The following GBE1 variants were observed in gnomAD, a reference collection of about 807,000 sequenced individuals.
GBE1 encodes 1,4-alpha-glucan-branching enzyme.
In GBE1, 70 loss-of-function variants were observed where a neutral mutation model predicts 88.8. That is an observed-to-expected ratio of 0.79 (90% CI 0.65 to 0.96). The LOEUF is 0.96. GBE1 is among the 40% of genes least tolerant of loss of function. GBE1 has a pLI of 0.00. For missense variants in GBE1, 872 were observed against 871.0 expected (o/e 1.00, Z -0.01); for synonymous variants, 284 against 300.1 (o/e 0.95, Z 0.56).
chr3:81,559,060 AT>A (rs1245809724), intron 12 of GBE1, among the ~76,000 whole-genome samples: 1 of 151,868 alleles, frequency 6.6e-6, no homozygotes, highest in Non-Finnish European at 1.5e-5. Context: ...GTCATAGAAA[AT>A]TTTTTTTCAT....
At chr3:81,553,337 T>TA (rs935133501) in intron 12 of GBE1, among the ~76,000 whole-genome samples, 10 of 116,940 alleles carry the variant, frequency 8.6e-5, no homozygotes, top group Non-Finnish European at 1.2e-4. Flanking sequence ...TGGATATATA[T>TA]TTTTTTCTTT....
intron 7 of GBE1, among the ~76,000 whole-genome samples, chr3:81,625,049 A>T (rs1310927293): frequency 1.6e-5 from 2 of 128,724 alleles, no homozygotes; most frequent in African/African-American, 5.9e-5. Flanking sequence ...ATAGACTCAA[A>T]TCCTTCCCTG....
rs530299204 is a variant in GBE1, at chr3:81,677,300, G to A, written c.314-6347C>T. Among the ~76,000 whole-genome samples, 3 of 152,258 alleles carry A rather than the reference G, an allele frequency of 2.0e-5. No homozygotes were observed. The South Asian group carries it at 6.2e-4, about 32-fold the overall frequency. ...GGCAAGATGTCTGGCAAATGCAATA[G>A]GCGAGGCTAATATACAAAGGCTAAT... On this transcript the variant is annotated intron_variant, in intron 2 of 15. Transcript: ENST00000429644.
intron 7 of GBE1, among the ~76,000 whole-genome samples, chr3:81,626,806 T>C (rs1168425929): frequency 6.6e-6 from 1 of 151,410 alleles, no homozygotes; most frequent in Non-Finnish European, 1.5e-5. Context: ...ATTTGAAAAA[T>C]GAAGTATTAT....
intron 12 of GBE1, among the ~76,000 whole-genome samples, chr3:81,569,930 C>G (rs1703550472): frequency 6.6e-6 from 1 of 152,054 alleles, no homozygotes; most frequent in Non-Finnish European, 1.5e-5. Context: ...TTCTCTGCCT[C>G]AGCCTCCCGA....
intron 7 of GBE1, among the ~76,000 whole-genome samples, chr3:81,603,212 T>G (rs1245512429): frequency 1.3e-5 from 2 of 152,160 alleles, no homozygotes; most frequent in African/African-American, 4.8e-5. Context: ...TTGCTTATAA[T>G]TCATTAAATA....
chr3:81,748,749 C>G (rs1706454443), intron 1 of GBE1, among the ~76,000 whole-genome samples: 1 of 152,082 alleles, frequency 6.6e-6, no homozygotes, highest in South Asian at 2.1e-4. Context: ...GTGGCTCAGC[C>G]TGTAATTCCA....
At chr3:81,628,651 G>C (rs900826685) in intron 7 of GBE1, among the ~76,000 whole-genome samples, 1 of 148,212 alleles carries the variant, frequency 6.7e-6, no homozygotes, top group South Asian at 2.1e-4. Context: ...AAACTCAATT[G>C]AACAGTCTGT....
rs181170133 is a variant in GBE1, at chr3:81,669,283, G to C, written c.429+1555C>G. On this transcript the variant is annotated intron_variant, in intron 3 of 15. Transcript: ENST00000429644. ...TTGTAACAAGTAAAAACTCAGTAAA[G>C]TTAATCTGCCAATTATCTCAAAAAA... Among the ~76,000 whole-genome samples the C allele has an allele frequency of 3.1e-3, 467 of 152,170 alleles. 3 individuals carry two copies. Among genetic ancestry groups the C allele is most frequent in the Non-Finnish European group, 5.3e-3 (359 of 67,994 alleles).
chr3:81,706,426 C>A (rs1291373246), intron 1 of GBE1, among the ~76,000 whole-genome samples: 2 of 152,104 alleles, frequency 1.3e-5, no homozygotes, highest in Non-Finnish European at 2.9e-5. Flanking sequence ...TCATTAGTAT[C>A]CCCTATATCC....
At chr3:81,729,171 T>C (rs1370332308) in intron 1 of GBE1, among the ~76,000 whole-genome samples, 5 of 152,140 alleles carry the variant, frequency 3.3e-5, no homozygotes, top group African/African-American at 1.2e-4. Flanking sequence ...ATGGAAATAG[T>C]ATATACAAGA....
chr3:81,616,840 A>G (rs1352598321), intron 7 of GBE1, among the ~76,000 whole-genome samples: 1 of 152,038 alleles, frequency 6.6e-6, no homozygotes, highest in Non-Finnish European at 1.5e-5. Context: ...ATGCATCTCC[A>G]TTTATTTAAA....
chr3:81,668,231 G>A (rs1258475062), intron 3 of GBE1, among the ~76,000 whole-genome samples: 1 of 152,068 alleles, frequency 6.6e-6, no homozygotes, highest in Non-Finnish European at 1.5e-5. Context: ...GGGGTGAAGG[G>A]AGGGAACTCA....
intron 3 of GBE1, among the ~76,000 whole-genome samples, chr3:81,668,682 A>T (rs896562675): frequency 6.6e-6 from 1 of 152,180 alleles, no homozygotes; most frequent in African/African-American, 2.4e-5. Flanking sequence ...TAATATAATC[A>T]TACAGAGCCC....
At chr3:81,613,046 G>A in intron 7 of GBE1, 1 of 667,948 alleles carries the variant, frequency 1.5e-6, no homozygotes, top group South Asian at 1.8e-5. Context: ...ATGAAGGGGA[G>A]GAAAGAGAGG....
At position 81,537,044 on chromosome 3, in the gene GBE1, T is replaced by C; in HGVS notation, c.1670A>G (p.Asn557Ser). 6.4e-7 allele frequency: 1 copy of C among 1,570,890 alleles called. No individual in the cohort carries two copies. The highest frequency in any genetic ancestry group is 8.6e-7 in the Non-Finnish European group (1 of 1,162,602). ...EWLDFPRKGN[N>S]ESYHYARRQF... ...CCGCCTGGCATAATGGTAACTCTCA[T>C]TATTTCCTTTTCTTGGGAAGTCTAA... The change falls in exon 13 of 16, where the codon AAT (asparagine) becomes AGT (serine). Residue 557 changes from asparagine (N) to serine (S), a missense_variant. Physicochemically the swap from Asn to Ser is conservative, Grantham distance 46 (BLOSUM62 1). Coordinates refer to ENST00000429644, the MANE Select transcript of GBE1 (RefSeq NM_000158.4).
intron 2 of GBE1, among the ~76,000 whole-genome samples, chr3:81,702,103 GTGTGTGTGTGTGTGTGT>G: frequency 1.7e-4 from 1 of 5,772 alleles, no homozygotes; most frequent in Non-Finnish European, 3.1e-4. Context: ...GAGAGAGAGA[GTGTGTGTGTGTGTGTGT>G]GTGTGTGTGT....
At chr3:81,720,332 C>G (rs973240830) in intron 1 of GBE1, among the ~76,000 whole-genome samples, 5 of 147,416 alleles carry the variant, frequency 3.4e-5, no homozygotes, top group Admixed American at 1.3e-4. Flanking sequence ...CACGCACACA[C>G]TGTGTGTGTA....
chr3:81,555,670 C>T (rs1387213657), intron 12 of GBE1, among the ~76,000 whole-genome samples: 1 of 152,138 alleles, frequency 6.6e-6, no homozygotes, highest in Admixed American at 6.6e-5. Context: ...CTGATCAGGA[C>T]CCAGGTTTCC....
Sources: allele counts gnomAD v4.1 joint callset (sites outside exome capture counted in the v4.1 genomes callset), GRCh38; gene constraint gnomAD v4.1.1; transcripts MANE v1.5; gene names NCBI Gene and HGNC (gene_info 2026-07-23, HGNC 2026-07-21).